The following DEPTOR variants were observed in gnomAD, a reference collection of about 807,000 sequenced individuals.
The protein encoded by DEPTOR is DEP domain containing MTOR interacting protein, also known as DEP domain-containing mTOR-interacting protein.
A neutral mutation model predicts 41.6 loss-of-function variants in DEPTOR; 41 were observed. That is an observed-to-expected ratio of 0.98 (90% CI 0.77 to 1.28). DEPTOR has a LOEUF of 1.28. DEPTOR is among the 50% of genes most tolerant of loss of function. The probability of loss-of-function intolerance (pLI) is 0.00; values close to 1 mark genes in which losing one functional copy is unlikely to be tolerated. For synonymous variants in DEPTOR, 195 were observed against 192.3 expected (o/e 1.01, Z -0.12); for missense variants, 514 against 527.9 (o/e 0.97, Z 0.26).
chr8:120,031,664 G>A (rs1381249157), intron 8 of DEPTOR, among the ~76,000 whole-genome samples: 1 of 151,918 alleles, frequency 6.6e-6, no homozygotes, highest in Non-Finnish European at 1.5e-5. Context: ...ACACAGTGAT[G>A]CCTCTAAGTC....
chr8:119,957,553 A>T (rs565896356), intron 3 of DEPTOR, among the ~76,000 whole-genome samples: 1 of 150,462 alleles, frequency 6.6e-6, no homozygotes, highest in South Asian at 2.1e-4. Context: ...TTGCCTGGGC[A>T]TGCACATGGG....
intron 4 of DEPTOR, among the ~76,000 whole-genome samples, chr8:120,000,131 T>A (rs1026160424): frequency 6.6e-5 from 10 of 152,204 alleles, no homozygotes; most frequent in South Asian, 6.2e-4. Context: ...CGATTTTTTT[T>A]AACAGCTTTA....
chr8:119,904,453 G>A (rs1448149364), intron 1 of DEPTOR, among the ~76,000 whole-genome samples: 1 of 151,498 alleles, frequency 6.6e-6, no homozygotes, highest in Non-Finnish European at 1.5e-5. Flanking sequence ...ATTGCAGGTA[G>A]AAAAAACTGG....
At chr8:119,986,600 TG>T (rs1828833582) in intron 4 of DEPTOR, among the ~76,000 whole-genome samples, 2 of 152,148 alleles carry the variant, frequency 1.3e-5, no homozygotes, top group African/African-American at 4.8e-5. Flanking sequence ...GAAGTTCTCC[TG>T]GATAATATCC....
chr8:119,988,947 CT>C (rs1194946008), intron 4 of DEPTOR, among the ~76,000 whole-genome samples: 104 of 115,384 alleles, frequency 9.0e-4, no homozygotes, highest in African/African-American at 2.5e-3. Flanking sequence ...TAGCCATATC[CT>C]TTTTTTTTTC....
chr8:119,916,266 ATTTTTTTTTTTTTTTT>A (rs71304925), intron 1 of DEPTOR, among the ~76,000 whole-genome samples: 11 of 123,294 alleles, frequency 8.9e-5, no homozygotes, highest in African/African-American at 1.6e-4. Flanking sequence ...GGCTAGGCTA[ATTTTTTTTTTTTTTTT>A]TTTTTTTTTT....
intron 4 of DEPTOR, among the ~76,000 whole-genome samples, chr8:119,971,827 C>T (rs534442707): frequency 6.6e-6 from 1 of 152,300 alleles, no homozygotes; most frequent in African/African-American, 2.4e-5. Context: ...GGGGGCTTTT[C>T]TCATAGGTAT....
chr8:119,993,333 G>A (rs1430529293), intron 4 of DEPTOR, among the ~76,000 whole-genome samples: 1 of 152,138 alleles, frequency 6.6e-6, no homozygotes, highest in African/African-American at 2.4e-5. Context: ...TATTTATGTG[G>A]CTCTAGCTTT....
At chr8:119,966,586 G>A (rs1828565523) in intron 4 of DEPTOR, among the ~76,000 whole-genome samples, 1 of 152,136 alleles carries the variant, frequency 6.6e-6, no homozygotes, top group Non-Finnish European at 1.5e-5. Context: ...CCAGGTTCAA[G>A]TGATTCTCAT....
At chr8:119,914,411 C>T (rs1417672567) in intron 1 of DEPTOR, among the ~76,000 whole-genome samples, 2 of 151,574 alleles carry the variant, frequency 1.3e-5, no homozygotes, top group Admixed American at 6.6e-5. Context: ...AAGTGTGGTC[C>T]CTAATCAGTA....
intron 3 of DEPTOR, among the ~76,000 whole-genome samples, chr8:119,953,325 G>A (rs2129932216): frequency 6.6e-6 from 1 of 152,218 alleles, no homozygotes; most frequent in South Asian, 2.1e-4. Flanking sequence ...GCTCACGCCT[G>A]TAATCCCAGT....
At chr8:119,942,756 C>G (rs1269789872) in intron 3 of DEPTOR, among the ~76,000 whole-genome samples, 1 of 152,068 alleles carries the variant, frequency 6.6e-6, no homozygotes, top group Non-Finnish European at 1.5e-5. Flanking sequence ...CTTATCCTGC[C>G]CCTTATTAGC....
chr8:119,902,998 G>A lies in DEPTOR; in HGVS notation c.123-25402G>A, dbSNP rs184768882. 6.0e-3 allele frequency among the ~76,000 whole-genome samples: 921 copies of A among 152,248 alleles called. 8 individuals carry two copies. Among genetic ancestry groups the A allele is most frequent in the Non-Finnish European group, 0.011 (742 of 68,024 alleles). On this transcript the variant is annotated intron_variant, in intron 1 of 8. Transcript: ENST00000286234. ...GTACTAAAATTGTGTGCTCCGTGAG[G>A]GCAGGGTCTATGTGTGTCTGTTTAC...
rs566775522 is a variant in DEPTOR, at chr8:119,956,400, G to C, written c.426-8832G>C. On this transcript the variant is annotated intron_variant, in intron 3 of 8. Coordinates refer to ENST00000286234, the MANE Select transcript of DEPTOR (RefSeq NM_022783.4). ...CCAATCCAGGCAGGCATGCCAGCTGGCCTCAGTCCTAAAGCTCACACTGGC... is the reference window on the plus strand; with the variant it reads ...CCAATCCAGGCAGGCATGCCAGCTGCCCTCAGTCCTAAAGCTCACACTGGC... Among the ~76,000 whole-genome samples the C allele has an allele frequency of 1.4e-4, 22 of 152,312 alleles. 1 individual carries two copies. In the South Asian group the frequency reaches 4.4e-3, roughly 30 times the overall value.
chr8:120,017,527 GTCACGTGT>G (rs1487410469), intron 8 of DEPTOR, among the ~76,000 whole-genome samples: 3 of 152,164 alleles, frequency 2.0e-5, no homozygotes, highest in African/African-American at 7.2e-5. Flanking sequence ...TGTTGGAGTG[GTCACGTGT>G]TCACCTGGGT....
rs1433304346 is a variant in DEPTOR, at chr8:119,909,121, C to T, written c.123-19279C>T. On this transcript the variant is annotated intron_variant, in intron 1 of 8. Coordinates refer to ENST00000286234, the MANE Select transcript of DEPTOR (RefSeq NM_022783.4). ...TGCTAGGATGGAAAGATATTGGAGA[C>T]AGGTGCAGTAGTGTGATTATATTAA... Among the ~76,000 whole-genome samples, 3 of 152,190 alleles carry T rather than the reference C, an allele frequency of 2.0e-5. No homozygotes were observed. The East Asian group carries it at 5.8e-4, about 29-fold the overall frequency.
At chr8:120,011,493 G>A (rs1246115386) in intron 8 of DEPTOR, among the ~76,000 whole-genome samples, 3 of 152,166 alleles carry the variant, frequency 2.0e-5, no homozygotes, top group African/African-American at 7.2e-5. Flanking sequence ...CTCTTGGCTG[G>A]GGAAGGATTT....
chr8:119,883,897 G>A (rs981026635), intron 1 of DEPTOR, among the ~76,000 whole-genome samples: 1 of 152,182 alleles, frequency 6.6e-6, no homozygotes, highest in Non-Finnish European at 1.5e-5. Context: ...CAGCTATAGA[G>A]AACAGAACCT....
chr8:119,975,118 T>C (rs1455993408), intron 4 of DEPTOR, among the ~76,000 whole-genome samples: 1 of 149,350 alleles, frequency 6.7e-6, no homozygotes, highest in East Asian at 2.0e-4. Flanking sequence ...TTGGGCAACA[T>C]AGCAAAATCC....
Sources: allele counts gnomAD v4.1 joint callset (sites outside exome capture counted in the v4.1 genomes callset), GRCh38; gene constraint gnomAD v4.1.1; transcripts MANE v1.5; gene names NCBI Gene and HGNC (gene_info 2026-07-23, HGNC 2026-07-21).